The following DDX60L variants were observed in gnomAD, a reference collection of about 807,000 sequenced individuals.
The protein encoded by DDX60L is probable ATP-dependent RNA helicase DDX60-like.
In DDX60L, 191 loss-of-function variants were observed where a neutral mutation model predicts 211.6. The ratio of observed to expected loss-of-function variants is 0.90; its 90% CI spans 0.80 to 1.02. DDX60L has a LOEUF of 1.02. Among genes scored for constraint, DDX60L ranks in the 50% least tolerant of loss-of-function variants. The probability of loss-of-function intolerance (pLI) is 0.00; values close to 1 mark genes in which losing one functional copy is unlikely to be tolerated. For missense variants in DDX60L, 2,007 were observed against 1,984.1 expected (o/e 1.01, Z -0.22); for synonymous variants, 706 against 694.1 (o/e 1.02, Z -0.27).
chr4:168,378,780 T>C (rs1328586636), intron 32 of DDX60L, among the ~76,000 whole-genome samples: 3 of 152,124 alleles, frequency 2.0e-5, no homozygotes, highest in African/African-American at 7.2e-5. Flanking sequence ...ATCTTGAGAG[T>C]GATCAGCCTT....
rs191700214 is a variant in DDX60L, at chr4:168,416,329, T to C, written c.2726+353A>G. Among the ~76,000 whole-genome samples, 14 of 152,330 alleles carry C rather than the reference T, an allele frequency of 9.2e-5. No individual in the cohort carries two copies. The East Asian group carries it at 2.5e-3, about 27-fold the overall frequency. On this transcript the variant is annotated intron_variant, in intron 20 of 37. Transcript: ENST00000682922. The stretch of plus-strand genomic sequence containing the variant: ...ACATTTACTTGAAAATTTTTAGAAA[T>C]TGTCCTGCACAATTTCAGATCTGGC...
Position 168,378,409 on chromosome 4 carries a change from C to T in DDX60L, c.4430G>A (p.Arg1477Lys), listed in dbSNP as rs1379774687. ...TTGGAATTTTGCTGGAATATATTTT[C>T]TTCCAAACAAATTTGCCAATACTAA... ...LVLVLANLFG[R>K]KYIPAKFQNA... The change falls in exon 33 of 38, where the codon AGA becomes AAA. Residue 1477 changes from arginine to lysine, a missense_variant. Arg to Lys is a conservative substitution (Grantham distance 26). Transcript: ENST00000682922. The T allele has an allele frequency of 3.2e-6, 5 of 1,546,952 alleles. No individual in the cohort carries two copies. Among genetic ancestry groups the T allele is most frequent in the Non-Finnish European group, 4.4e-6 (5 of 1,135,798 alleles).
At chr4:168,462,804 G>A (rs911816221) in intron 4 of DDX60L, among the ~76,000 whole-genome samples, 1 of 108,388 alleles carries the variant, frequency 9.2e-6, no homozygotes, top group Non-Finnish European at 2.0e-5. Flanking sequence ...CAGAGAGACT[G>A]TGTCTCAAAA....
chr4:168,423,338 G>A (rs1750952373), intron 15 of DDX60L, among the ~76,000 whole-genome samples: 1 of 151,868 alleles, frequency 6.6e-6, no homozygotes, highest in South Asian at 2.1e-4. Context: ...GTTACCAAGA[G>A]GGTTTAAAGT....
At chr4:168,445,157 G>A (rs1754566549) in intron 9 of DDX60L, among the ~76,000 whole-genome samples, 1 of 137,560 alleles carries the variant, frequency 7.3e-6, no homozygotes, top group Non-Finnish European at 1.6e-5. Flanking sequence ...AAAAAAGAGA[G>A]AAGAATCAAA....
At chr4:168,427,007 A>G in intron 14 of DDX60L, 63 bp downstream of exon 14, 3 of 1,479,852 alleles carry the variant, frequency 2.0e-6, no homozygotes, top group Non-Finnish European at 2.7e-6. Flanking sequence ...CATTCAGTAA[A>G]TATGTTAACA....
At chr4:168,442,749 AC>A (rs1420690318) in intron 9 of DDX60L, among the ~76,000 whole-genome samples, 1 of 149,568 alleles carries the variant, frequency 6.7e-6, no homozygotes, top group African/African-American at 2.5e-5. Flanking sequence ...ACTGGGAGGC[AC>A]CCCCCAGCAG....
At chr4:168,396,148 AC>A in intron 26 of DDX60L, 24 bp from the exon 27 acceptor site, 1 of 1,340,894 alleles carries the variant, frequency 7.5e-7, no homozygotes, top group Non-Finnish European at 1.0e-6. Context: ...AAAAAAAAAA[AC>A]TTTTAAGTAA....
At chr4:168,414,809 A>T (rs559127382) in intron 22 of DDX60L, among the ~76,000 whole-genome samples, 5 of 152,116 alleles carry the variant, frequency 3.3e-5, no homozygotes, top group African/African-American at 1.2e-4. Context: ...TAAAAATTAA[A>T]ACAATGGAAT....
chr4:168,477,859 G>C (rs1055135246), intron 1 of DDX60L, among the ~76,000 whole-genome samples: 1 of 152,212 alleles, frequency 6.6e-6, no homozygotes, highest in African/African-American at 2.4e-5. Context: ...CTGTTTTTGA[G>C]GAGCTATGAC....
chr4:168,375,697 A>G (rs1741833127), intron 33 of DDX60L, among the ~76,000 whole-genome samples, 173 bp from the exon 34 acceptor site: 1 of 152,182 alleles, frequency 6.6e-6, no homozygotes, highest in Admixed American at 6.5e-5. Context: ...TTCAACCAAC[A>G]TTTATAAATG....
intron 11 of DDX60L, 97 bp from the exon 12 acceptor site, chr4:168,432,667 T>C (rs1752528191): frequency 1.5e-6 from 1 of 673,466 alleles, no homozygotes; most frequent in Admixed American, 3.4e-5. Context: ...AACCTCTTTT[T>C]CTATTTGTGT....
intron 29 of DDX60L, among the ~76,000 whole-genome samples, chr4:168,386,779 C>A (rs928521845): frequency 6.6e-6 from 1 of 150,736 alleles, no homozygotes; most frequent in Non-Finnish European, 1.5e-5. Flanking sequence ...ACAACCCATG[C>A]GAAACAATGA....
intron 4 of DDX60L, chr4:168,469,090 C>T (rs1320696500): frequency 3.9e-5 from 6 of 152,192 alleles, no homozygotes; most frequent in East Asian, 3.9e-4. Context: ...TTCTAAAATT[C>T]GTGTGGAAAT....
intron 36 of DDX60L, among the ~76,000 whole-genome samples, chr4:168,361,665 A>G (rs1739130157): frequency 6.6e-6 from 1 of 152,190 alleles, no homozygotes; most frequent in Non-Finnish European, 1.5e-5. Context: ...CCTCTGCCAC[A>G]CTGTCTCTCC....
At chr4:168,381,494 A>T (rs1334193023) in intron 30 of DDX60L, among the ~76,000 whole-genome samples, 3 of 152,172 alleles carry the variant, frequency 2.0e-5, no homozygotes, top group South Asian at 2.1e-4. Context: ...ATCAAATTAA[A>T]AATCTAATTT....
intron 22 of DDX60L, among the ~76,000 whole-genome samples, chr4:168,413,523 C>T (rs1469833301): frequency 4.0e-5 from 6 of 151,698 alleles, no homozygotes; most frequent in Non-Finnish European, 7.4e-5. Context: ...TAGCAGGATC[C>T]TATTAGATAA....
intron 25 of DDX60L, among the ~76,000 whole-genome samples, chr4:168,402,124 CTTTTT>C (rs60345965): frequency 0.012 from 1,267 of 108,480 alleles, 16 homozygotes; most frequent in African/African-American, 0.041. Flanking sequence ...ACTTCAGAGG[CTTTTT>C]TTTTTTTTTT....
At chr4:168,441,781 C>G (rs1462933365) in intron 9 of DDX60L, among the ~76,000 whole-genome samples, 1 of 152,028 alleles carries the variant, frequency 6.6e-6, no homozygotes, top group African/African-American at 2.4e-5. Flanking sequence ...CCCAAGAGTT[C>G]AAGACCATCT....
Sources: gnomAD v4.1 joint callset for allele counts (sites outside exome capture counted in the v4.1 genomes callset) on GRCh38, gnomAD v4.1.1 for gene constraint, MANE v1.5 for transcripts, NCBI Gene and HGNC (gene_info 2026-07-23, HGNC 2026-07-21) for gene names.